The following WIPF3 variants were observed in gnomAD, a reference collection of about 807,000 sequenced individuals.
WIPF3 encodes WAS/WASL interacting protein family member 3.
Under a neutral mutation model 38.9 loss-of-function variants are expected in WIPF3, and 33 were observed. The observed-to-expected ratio is 0.85, with a 90% CI of 0.64 to 1.14. The LOEUF is 1.14. Ranked by LOEUF, WIPF3 falls within the 50% of genes most tolerant of loss-of-function variation. The probability of loss-of-function intolerance (pLI) is 0.00; values close to 1 mark genes in which losing one functional copy is unlikely to be tolerated. For synonymous variants in WIPF3, 324 were observed against 269.3 expected, an observed-to-expected ratio of 1.20 and a Z score of -1.99; for missense variants, 711 against 652.5, an observed-to-expected ratio of 1.09 and a Z score of -0.98.
chr7:29,894,940 TG>T (rs1195330468), intron 7 of WIPF3, among the ~76,000 whole-genome samples: 2 of 151,858 alleles, frequency 1.3e-5, no homozygotes, highest in South Asian at 2.1e-4. Context: ...TTGTTGTTGT[TG>T]TTTTTCGCTT....
chr7:29,848,301 T>A (rs1378656003), intron 2 of WIPF3, among the ~76,000 whole-genome samples: 1 of 152,198 alleles, frequency 6.6e-6, no homozygotes, highest in Non-Finnish European at 1.5e-5. Context: ...TTTAAACATT[T>A]GGAGAGGACT....
chr7:29,841,359 T>C (rs1184781165), intron 2 of WIPF3, among the ~76,000 whole-genome samples: 1 of 152,210 alleles, frequency 6.6e-6, no homozygotes, highest in African/African-American at 2.4e-5. Context: ...GAGCATCTTT[T>C]CTTTTTTCAA....
At chr7:29,850,590 C>T (rs1366650134) in intron 2 of WIPF3, among the ~76,000 whole-genome samples, 2 of 152,220 alleles carry the variant, frequency 1.3e-5, no homozygotes, top group African/African-American at 2.4e-5. Context: ...AACATGGGTA[C>T]CCGGGGACTT....
At chr7:29,912,602 G>A (rs10239518) in intron 8 of WIPF3, 6,832 of 212,926 alleles carry the variant, frequency 0.032, 146 homozygotes, top group Middle Eastern at 0.095. Flanking sequence ...TCTGAACCTT[G>A]TTACAACCTT....
intron 7 of WIPF3, 63 bp from the exon 8 acceptor site, chr7:29,904,223 T>G: frequency 6.5e-7 from 1 of 1,527,304 alleles, no homozygotes; most frequent in East Asian, 2.3e-5. Flanking sequence ...AAAGTTTCTC[T>G]GTGAAACATG....
chr7:29,907,925 A>G (rs192123777), intron 8 of WIPF3, among the ~76,000 whole-genome samples: 1 of 152,370 alleles, frequency 6.6e-6, no homozygotes, highest in African/African-American at 2.4e-5. Flanking sequence ...AAAAAAGTCA[A>G]CTAAACAGAA....
intron 2 of WIPF3, among the ~76,000 whole-genome samples, chr7:29,839,176 A>T (rs1011364339): frequency 2.6e-5 from 4 of 152,226 alleles, no homozygotes; most frequent in African/African-American, 9.6e-5. Flanking sequence ...TGGCGATGAC[A>T]TACAGTATCA....
intron 1 of WIPF3, among the ~76,000 whole-genome samples, chr7:29,814,450 C>T (rs1269800153): frequency 6.6e-6 from 1 of 152,140 alleles, no homozygotes; most frequent in Non-Finnish European, 1.5e-5. Context: ...GCATGGCTAG[C>T]TTAGTGTCTA....
intron 7 of WIPF3, among the ~76,000 whole-genome samples, chr7:29,897,029 C>G (rs755740885): frequency 6.6e-6 from 1 of 152,214 alleles, no homozygotes; most frequent in African/African-American, 2.4e-5. Flanking sequence ...CCCTTCTACT[C>G]TCTGTCTCTA....
At chr7:29,821,436 A>T (rs929541775) in intron 1 of WIPF3, among the ~76,000 whole-genome samples, 7 of 151,960 alleles carry the variant, frequency 4.6e-5, no homozygotes, top group Non-Finnish European at 1.0e-4. Flanking sequence ...CTGGGACAAG[A>T]CACACGCCAC....
intron 2 of WIPF3, among the ~76,000 whole-genome samples, chr7:29,846,275 A>G (rs979259776): frequency 3.9e-5 from 6 of 152,244 alleles, no homozygotes; most frequent in South Asian, 4.1e-4. Flanking sequence ...ACAGAAAGGA[A>G]CACAGCGTAC....
intron 8 of WIPF3, among the ~76,000 whole-genome samples, chr7:29,910,668 CATG>C (rs1786489404): frequency 6.6e-6 from 1 of 152,084 alleles, no homozygotes; most frequent in African/African-American, 2.4e-5. Flanking sequence ...GAAAAAAACA[CATG>C]ATCATCTCAA....
chr7:29,811,149 C>T (rs1784368264), intron 1 of WIPF3, among the ~76,000 whole-genome samples: 2 of 152,052 alleles, frequency 1.3e-5, no homozygotes, highest in African/African-American at 4.8e-5. Context: ...CCTCAGCCTC[C>T]CAAAGTGCTG....
intron 2 of WIPF3, among the ~76,000 whole-genome samples, chr7:29,853,227 G>T (rs1198356773): frequency 6.6e-6 from 1 of 152,214 alleles, no homozygotes; most frequent in Admixed American, 6.5e-5. Flanking sequence ...TGACTCTCAG[G>T]CACTTTCCCC....
At chr7:29,888,003 C>T in intron 5 of WIPF3, 65 bp from the exon 6 acceptor site, 1 of 1,594,358 alleles carries the variant, frequency 6.3e-7, no homozygotes, top group Non-Finnish European at 8.6e-7. Context: ...TAATATCTCA[C>T]ATAAGGTTAT....
rs144552736 is a variant in WIPF3, at chr7:29,832,992, A to G, written c.-57-1676A>G. On this transcript the variant is annotated intron_variant, in intron 1 of 8. Transcript: ENST00000242140. ...GTATACGTACAATGGAATAATTCAG[A>G]ATGAATTTCTGATCCATGCTACAAC... is the stretch of plus-strand genomic sequence containing the variant. Among the ~76,000 whole-genome samples the G allele has an allele frequency of 1.4e-3, 217 of 152,356 alleles. 1 individual carries two copies. Among genetic ancestry groups the G allele is most frequent in the African/African-American group, 5.1e-3 (214 of 41,582 alleles).
chr7:29,810,474 GTGAATGAA>G lies in WIPF3; in HGVS notation c.-58+3822_-58+3829del, dbSNP rs55728973. Among the ~76,000 whole-genome samples the G allele has an allele frequency of 3.2e-3, 486 of 151,850 alleles. 1 individual carries two copies. Among genetic ancestry groups the G allele is most frequent in the African/African-American group, 9.2e-3 (382 of 41,346 alleles). On this transcript the variant is annotated intron_variant, in intron 1 of 8. Transcript: ENST00000242140. ...AGTGGAGGAATCAGTAATTGTGTGA[GTGAATGAA>G]TGAATGAATGAATGAATGAATGAAT...
chr7:29,878,994 G>A lies in WIPF3; in HGVS notation c.224-15G>A. On this transcript the variant is annotated splice_polypyrimidine_tract_variant and intron_variant, in intron 3 of 8. Transcript: ENST00000242140. This position sits in a 1 kb window ranked among gnomAD's most constrained non-coding sequence, Gnocchi z 4.0. ...TGCTCTCAAGTCCTTGCCTATTTGT[G>A]TCTTCTCTCTAAAGGTTCTAAAGGA... 6.3e-7 allele frequency: 1 copy of A among 1,583,804 alleles called. No individual in the cohort carries two copies. The highest frequency in any genetic ancestry group is 1.7e-4 in the Middle Eastern group (1 of 5,834).
intron 2 of WIPF3, among the ~76,000 whole-genome samples, chr7:29,855,968 C>T (rs1785181609): frequency 6.6e-6 from 1 of 152,134 alleles, no homozygotes; most frequent in South Asian, 2.1e-4. Flanking sequence ...TCAGATTTAA[C>T]TGTGAATTCT....
Sources: gnomAD v4.1 joint callset for allele counts (sites outside exome capture counted in the v4.1 genomes callset) on GRCh38, gnomAD v4.1.1 for gene constraint, Gnocchi (gnomAD v3.1) non-coding constraint, MANE v1.5 for transcripts, NCBI Gene and HGNC (gene_info 2026-07-23, HGNC 2026-07-21) for gene names.